PDK1: variants seen among roughly 807,000 people sequenced by gnomAD.
The protein encoded by PDK1 is pyruvate dehydrogenase kinase 1.
PDK1 carries 39 observed loss-of-function variants against 54.2 expected under a neutral mutation model. That is an observed-to-expected ratio of 0.72 (90% CI 0.56 to 0.94). The LOEUF (loss-of-function observed/expected upper bound fraction) is 0.94, where lower values mean the gene tolerates loss of function less well. Ranked by LOEUF, PDK1 falls within the 40% of genes least tolerant of loss-of-function variation. The pLI is 0.00. For synonymous variants in PDK1, 221 were observed against 207.1 expected (o/e 1.07, Z -0.58); for missense variants, 552 against 566.0 (o/e 0.98, Z 0.25).
At chr2:172,655,828 T>G in the PDK1 span, among the ~76,000 whole-genome samples, 66 of 152,352 alleles carry the variant, frequency 4.3e-4, no homozygotes, top group African/African-American at 1.6e-3. Flanking sequence ...AGAGTGCCAG[T>G]GTGACAGCTC....
At chr2:172,579,393 A>G (rs1689755450) in intron 8 of PDK1, among the ~76,000 whole-genome samples, 1 of 152,060 alleles carries the variant, frequency 6.6e-6, no homozygotes, top group Non-Finnish European at 1.5e-5. Flanking sequence ...TAAAATGCTT[A>G]CTGTTCTTAT....
the PDK1 span, among the ~76,000 whole-genome samples, chr2:172,627,511 A>G: frequency 6.6e-6 from 1 of 152,220 alleles, no homozygotes; most frequent in African/African-American, 2.4e-5. Flanking sequence ...CAAGAAAGCC[A>G]TACATAGTCC....
chr2:172,588,655 A>G (rs1396891961), intron 9 of PDK1, among the ~76,000 whole-genome samples: 1 of 152,218 alleles, frequency 6.6e-6, no homozygotes, highest in Non-Finnish European at 1.5e-5. Context: ...CTTTCTGCTG[A>G]CATCGCTTTG....
chr2:172,645,733 G>A, the PDK1 span, among the ~76,000 whole-genome samples: 1 of 152,150 alleles, frequency 6.6e-6, no homozygotes, highest in Non-Finnish European at 1.5e-5. Context: ...ATAGAGACTG[G>A]AGCAGTGGTC....
At chr2:172,707,815 C>T in the PDK1 span, among the ~76,000 whole-genome samples, 3 of 152,184 alleles carry the variant, frequency 2.0e-5, no homozygotes, top group Non-Finnish European at 4.4e-5. Flanking sequence ...AGGGACCACA[C>T]ATTTGTTGTA....
At chr2:172,721,273 T>C in the PDK1 span, among the ~76,000 whole-genome samples, 2 of 152,234 alleles carry the variant, frequency 1.3e-5, no homozygotes. Flanking sequence ...GTTTTTCTTA[T>C]TTCTAGGGTG....
At chr2:172,700,723 T>G in the PDK1 span, among the ~76,000 whole-genome samples, 1 of 152,070 alleles carries the variant, frequency 6.6e-6, no homozygotes, top group African/African-American at 2.4e-5. Flanking sequence ...CATTGAGCAC[T>G]GAGTGAGCGA....
chr2:172,687,719 G>A, the PDK1 span, among the ~76,000 whole-genome samples: 2 of 152,146 alleles, frequency 1.3e-5, no homozygotes, highest in African/African-American at 4.8e-5. Flanking sequence ...AGTTACAGCT[G>A]GGCAAGAGAA....
At chr2:172,722,380 CTGCTCTGATA>C in the PDK1 span, among the ~76,000 whole-genome samples, 1 of 152,344 alleles carries the variant, frequency 6.6e-6, no homozygotes, top group East Asian at 1.9e-4. Flanking sequence ...CCTGGTCAAC[CTGCTCTGATA>C]TGAGATTTTA....
the PDK1 span, among the ~76,000 whole-genome samples, chr2:172,699,336 A>T: frequency 5.3e-5 from 8 of 152,276 alleles, no homozygotes; most frequent in Non-Finnish European, 1.5e-5. Flanking sequence ...ACCTCAACTG[A>T]GTAAAACTAG....
chr2:172,632,240 C>T, the PDK1 span, among the ~76,000 whole-genome samples: 1 of 151,652 alleles, frequency 6.6e-6, no homozygotes, highest in Non-Finnish European at 1.5e-5. Context: ...GCACTCCACT[C>T]CAGCCTGGGT....
chr2:172,675,407 G>A, the PDK1 span, among the ~76,000 whole-genome samples: 2 of 152,178 alleles, frequency 1.3e-5, no homozygotes, highest in Non-Finnish European at 2.9e-5. Context: ...ATTGCTGAAG[G>A]AAACTACAAA....
In PDK1 at chr2:172,602,035, C is replaced by T. The variant is rs971567230; in HGVS notation, c.*6066C>T. ...GTGGAATCAGTAATCACAAGTCCACCTCGCCAAAAGACAATTTTTGAAAGA... is the reference window on the plus strand; with the variant it reads ...GTGGAATCAGTAATCACAAGTCCACTTCGCCAAAAGACAATTTTTGAAAGA... On this transcript the variant is annotated 3_prime_UTR_variant, in exon 11 of 11. Coordinates refer to ENST00000282077, the MANE Select transcript of PDK1 (RefSeq NM_002610.5). The T allele has an allele frequency of 1.3e-5, 2 of 152,030 alleles. No individual in the cohort carries two copies. The highest frequency in any genetic ancestry group is 4.8e-5 in the African/African-American group (2 of 41,374). 9.4% of individuals were successfully genotyped at this position (152,030 alleles called of 1,614,324 possible).
At chr2:172,563,847 G>A (rs1292303868) in intron 3 of PDK1, among the ~76,000 whole-genome samples, 1 of 151,510 alleles carries the variant, frequency 6.6e-6, no homozygotes, top group Non-Finnish European at 1.5e-5. Context: ...AAAAAAAAAA[G>A]ACTTATTTTC....
chr2:172,702,300 A>C, the PDK1 span, among the ~76,000 whole-genome samples: 2 of 152,086 alleles, frequency 1.3e-5, no homozygotes, highest in Non-Finnish European at 2.9e-5. Context: ...AAGATGGTGA[A>C]ACCCTGTCTC....
intron 8 of PDK1, among the ~76,000 whole-genome samples, chr2:172,578,159 C>T (rs552536115): frequency 5.9e-5 from 9 of 152,282 alleles, no homozygotes; most frequent in South Asian, 2.1e-4. Context: ...CACTGCCTTC[C>T]AGCCTCCATG....
At chr2:172,620,393 A>G in the PDK1 span, among the ~76,000 whole-genome samples, 1 of 152,152 alleles carries the variant, frequency 6.6e-6, no homozygotes, top group Admixed American at 6.5e-5. Context: ...AGTGATCAAG[A>G]TAGAGGGGAC....
chr2:172,705,410 CT>C, the PDK1 span, among the ~76,000 whole-genome samples: 1 of 152,214 alleles, frequency 6.6e-6, no homozygotes, highest in Non-Finnish European at 1.5e-5. Flanking sequence ...ACGCAAATCT[CT>C]GGTGTTTGCC....
the PDK1 span, among the ~76,000 whole-genome samples, chr2:172,641,707 G>C: frequency 6.6e-6 from 1 of 152,156 alleles, no homozygotes; most frequent in Non-Finnish European, 1.5e-5. Flanking sequence ...GCCTTCTAAA[G>C]TGTTGGGATT....
Sources: allele counts gnomAD v4.1 joint callset (sites outside exome capture counted in the v4.1 genomes callset), GRCh38; gene constraint gnomAD v4.1.1; transcripts MANE v1.5; gene names NCBI Gene and HGNC (gene_info 2026-07-23, HGNC 2026-07-21).